TERT: variants seen among roughly 807,000 people sequenced by gnomAD.
TERT encodes telomerase catalytic subunit.
In TERT, 42 loss-of-function variants were observed where a neutral mutation model predicts 104.0. That is an observed-to-expected ratio of 0.40 (90% CI 0.32 to 0.52). The LOEUF is 0.52. TERT is among the 20% of genes least tolerant of loss of function. The pLI, the probability that TERT is intolerant of heterozygous loss-of-function variation, is 0.43. For synonymous variants in TERT, 781 were observed against 725.6 expected (o/e 1.08, Z -1.23); for missense variants, 1,101 against 1,610.3 (o/e 0.68, Z 5.41).
At position 1,286,256 on chromosome 5, in the gene TERT, G is replaced by A. The variant is rs1750477531; in HGVS notation, c.1574-3632C>T. On this transcript the variant is annotated intron_variant, in intron 2 of 15. Transcript: ENST00000310581. The surrounding 1 kb of genome is among the most constrained non-coding windows in gnomAD (Gnocchi z 5.3). ...CCGGACGTCGCTAGATGCCATGGAG[G>A]CCAGCACAGGTAAAGCTGGGGTTTA... Among the ~76,000 whole-genome samples the A allele has an allele frequency of 6.6e-6, 1 of 152,148 alleles. No homozygotes were observed. The highest frequency in any genetic ancestry group is 6.5e-5 in the Admixed American group (1 of 15,276).
In TERT at chr5:1,286,317, C is replaced by T. The variant is rs1159227763; in HGVS notation, c.1574-3693G>A. On this transcript the variant is annotated intron_variant, in intron 2 of 15. Coordinates refer to ENST00000310581, the MANE Select transcript of TERT (RefSeq NM_198253.3). The surrounding 1 kb of genome is among the most constrained non-coding windows in gnomAD (Gnocchi z 5.3). ...CAAGACAGAAGAACCACGCAAAGGA[C>T]AAGGAAGGGGACCCCAGACGGCGGG... is the stretch of plus-strand genomic sequence containing the variant. Among the ~76,000 whole-genome samples, 1 of 152,158 alleles carries T rather than the reference C, an allele frequency of 6.6e-6. No individual in the cohort carries two copies. The highest frequency in any genetic ancestry group is 1.5e-5 in the Non-Finnish European group (1 of 68,028).
intron 3 of TERT, 119 bp from the exon 4 acceptor site, chr5:1,280,457 A>G (rs1749947083): frequency 6.1e-6 from 7 of 1,147,560 alleles, no homozygotes; most frequent in Non-Finnish European, 8.8e-6. Context: ...ACGGCAGCAC[A>G]CGCTGAAGGC....
intron 2 of TERT, among the ~76,000 whole-genome samples, chr5:1,290,673 C>T (rs547155412): frequency 1.4e-4 from 9 of 65,540 alleles, no homozygotes; most frequent in Admixed American, 7.9e-4. Flanking sequence ...CAGGGACACC[C>T]GGGGACCGTG....
At chr5:1,294,745 C>G (rs1440580254) in intron 1 of TERT, 26 bp downstream of exon 1, 1 of 1,560,494 alleles carries the variant, frequency 6.4e-7, no homozygotes, top group Admixed American at 1.8e-5. Context: ...CAACCCCAGC[C>G]GGACGCCGAC....
chr5:1,259,372 T>A (rs1299945095), intron 12 of TERT, among the ~76,000 whole-genome samples: 10 of 107,292 alleles, frequency 9.3e-5, no homozygotes, highest in Non-Finnish European at 1.8e-4. Flanking sequence ...CAGACGCAGA[T>A]GCCCACAGGA....
rs992818421 is a variant in TERT at position 1,265,989 on chromosome 5, C to T, written c.2654+475G>A. Among the ~76,000 whole-genome samples, 4 of 152,298 alleles carry T rather than the reference C, an allele frequency of 2.6e-5. No individual in the cohort carries two copies. The highest frequency in any genetic ancestry group is 1.9e-4 in the East Asian group (1 of 5,158). ...ACTCAGCAAATCCAAATTCTCCCACCGATCCCAAACAACCCCACGCAGGAA... is the reference window on the plus strand; with the variant it reads ...ACTCAGCAAATCCAAATTCTCCCACTGATCCCAAACAACCCCACGCAGGAA... On this transcript the variant is annotated intron_variant, in intron 10 of 15. Transcript: ENST00000310581. This position sits in a 1 kb window ranked among gnomAD's most constrained non-coding sequence, Gnocchi z 6.9.
chr5:1,282,548 ACT>A lies in TERT; in HGVS notation c.1648_1649del (p.Ser550CysfsTer78). On this transcript the variant is annotated frameshift_variant, in exon 3 of 16. Transcript: ENST00000310581. LOFTEE classifies it high-confidence loss of function. ...ACCTGAGCAGCTCGACGACGTACAC[ACT>A]CATCAGCCAGTGCAGGAACTTGGCC... ...ILAKFLHWLM[S>X]VYVVELLRSF... 6.2e-7 allele frequency: 1 copy of A among 1,614,062 alleles called. No individual in the cohort carries two copies. Among genetic ancestry groups the A allele is most frequent in the Non-Finnish European group, 8.5e-7 (1 of 1,180,018 alleles).
chr5:1,281,919 C>T (rs1189868356), intron 3 of TERT, among the ~76,000 whole-genome samples: 3 of 152,144 alleles, frequency 2.0e-5, no homozygotes, highest in Admixed American at 1.3e-4. Flanking sequence ...GAAACCCCGT[C>T]TCTCCTAAAA....
rs546508805 is a variant in TERT, at chr5:1,253,225, C to G, written c.*503G>C. On this transcript the variant is annotated 3_prime_UTR_variant, in exon 16 of 16. Transcript: ENST00000310581. The stretch of plus-strand genomic sequence containing the variant: ...TATTTTACTCCCACAGCACCTCCCC[C>G]CAATTTGACCCACAGGGACCCCCAT... 102 of 260,548 alleles carry G rather than the reference C, an allele frequency of 3.9e-4. No homozygotes were observed. The highest frequency in any genetic ancestry group is 2.0e-3 in the African/African-American group (90 of 46,134). 16.1% of individuals were successfully genotyped at this position (260,548 alleles called of 1,614,324 possible).
intron 6 of TERT, among the ~76,000 whole-genome samples, chr5:1,276,239 C>A (rs989927441): frequency 1.3e-4 from 19 of 145,836 alleles, no homozygotes; most frequent in Non-Finnish European, 2.2e-4. Flanking sequence ...CCACCTACCC[C>A]ACGGATGAAA....
chr5:1,260,406 A>G (rs972583179), intron 12 of TERT, 68 bp downstream of exon 12: 1 of 1,609,028 alleles, frequency 6.2e-7, no homozygotes, highest in Non-Finnish European at 8.5e-7. Context: ...GCGCGCACAC[A>G]CACACACACA....
chr5:1,290,236 C>A (rs1216565995), intron 2 of TERT, among the ~76,000 whole-genome samples: 28 of 62,354 alleles, frequency 4.5e-4, no homozygotes, highest in African/African-American at 2.3e-3. Context: ...ACTCACCCTA[C>A]ACGTGACAGG....
rs897158080 is a variant in TERT at position 1,288,668 on chromosome 5, T to G, written c.1573+4645A>C. On this transcript the variant is annotated intron_variant, in intron 2 of 15. Transcript: ENST00000310581. This position sits in a 1 kb window ranked among gnomAD's most constrained non-coding sequence, Gnocchi z 5.3. ...AGTGAGGGGGCTGGGGTGACTTGCTTTCCTTCAGGGCACAGAGAACCCTTT... is the reference window on the plus strand; with the variant it reads ...AGTGAGGGGGCTGGGGTGACTTGCTGTCCTTCAGGGCACAGAGAACCCTTT... 3.3e-5 allele frequency among the ~76,000 whole-genome samples: 5 copies of G among 152,128 alleles called. No individual in the cohort carries two copies. The highest frequency in any genetic ancestry group is 9.7e-5 in the African/African-American group (4 of 41,418).
At chr5:1,272,561 C>G (rs1749142610) in intron 6 of TERT, among the ~76,000 whole-genome samples, 1 of 93,954 alleles carries the variant, frequency 1.1e-5, no homozygotes, top group Non-Finnish European at 2.2e-5. Flanking sequence ...CCACGACCGC[C>G]ATCCACAGTC....
chr5:1,271,867 G>A (rs1749060712), intron 7 of TERT, among the ~76,000 whole-genome samples: 2 of 152,224 alleles, frequency 1.3e-5, no homozygotes, highest in Admixed American at 6.5e-5. Flanking sequence ...CCTAAAGGAG[G>A]GGGACACCTT....
In TERT at chr5:1,262,229, T is replaced by C. The variant is rs35901859; in HGVS notation, c.2844-1629A>G. On this transcript the variant is annotated intron_variant, in intron 11 of 15. Coordinates refer to ENST00000310581, the MANE Select transcript of TERT (RefSeq NM_198253.3). The surrounding 1 kb of genome is among the most constrained non-coding windows in gnomAD (Gnocchi z 5.6). Reference sequence around the variant, plus strand: ...GTATATGCTGTAAAGACACAACTTATTTGCTTCCAGTCAGTTTTCTCAGAA... The same window carrying C: ...GTATATGCTGTAAAGACACAACTTACTTGCTTCCAGTCAGTTTTCTCAGAA... Among the ~76,000 whole-genome samples, 174 of 152,318 alleles carry C rather than the reference T, an allele frequency of 1.1e-3. 1 individual carries two copies. The highest frequency in any genetic ancestry group is 4.1e-3 in the African/African-American group (169 of 41,566).
intron 5 of TERT, 124 bp from the exon 6 acceptor site, chr5:1,278,920 C>G (rs549444731): frequency 7.3e-7 from 1 of 1,366,454 alleles, no homozygotes; most frequent in South Asian, 1.2e-5. Context: ...CTCCAGACCC[C>G]AAGGGCAGGG....
In TERT at chr5:1,257,653, G is replaced by A. The variant is rs1002632838; in HGVS notation, c.3032+945C>T. On this transcript the variant is annotated intron_variant, in intron 13 of 15. Coordinates refer to ENST00000310581, the MANE Select transcript of TERT (RefSeq NM_198253.3). The surrounding 1 kb of genome is among the most constrained non-coding windows in gnomAD (Gnocchi z 5.6). ...CTGTGGCTCTGCCCTCCCTGCCAGA[G>A]CATGAAGGCGCAAGCACTCGGGTTA... Among the ~76,000 whole-genome samples, 3 of 152,352 alleles carry A rather than the reference G, an allele frequency of 2.0e-5. No homozygotes were observed. Among genetic ancestry groups the A allele is most frequent in the African/African-American group, 7.2e-5 (3 of 41,582 alleles).
chr5:1,280,861 C>T (rs1749975762), intron 3 of TERT, among the ~76,000 whole-genome samples: 1 of 152,354 alleles, frequency 6.6e-6, no homozygotes. Flanking sequence ...GCCCTTTGGC[C>T]TTTTCCCCCA....
Sources: allele counts gnomAD v4.1 joint callset (sites outside exome capture counted in the v4.1 genomes callset), GRCh38; gene constraint gnomAD v4.1.1; non-coding constraint Gnocchi (gnomAD v3.1); transcripts MANE v1.5; gene names NCBI Gene and HGNC (gene_info 2026-07-23, HGNC 2026-07-21).